DDX46: variants seen among roughly 807,000 people sequenced by gnomAD.
DDX46 encodes probable ATP-dependent RNA helicase DDX46.
Under a neutral mutation model 134.9 loss-of-function variants are expected in DDX46, and 30 were observed. The ratio of observed to expected loss-of-function variants is 0.22; its 90% CI spans 0.17 to 0.30. The LOEUF (loss-of-function observed/expected upper bound fraction) is 0.30. Ranked by LOEUF, DDX46 falls within the 10% of genes least tolerant of loss-of-function variation. The pLI is 1.00. For synonymous variants in DDX46, 415 were observed against 404.1 expected, an observed-to-expected ratio of 1.03 and a Z score of -0.32; for missense variants, 622 against 1,248.7, an observed-to-expected ratio of 0.50 and a Z score of 7.56.
At position 134,764,023 on chromosome 5, in the gene DDX46, A is replaced by G; in HGVS notation, c.137A>G (p.Asp46Gly). The G allele has an allele frequency of 6.2e-7, 1 of 1,614,212 alleles. No homozygotes were observed. The highest frequency in any genetic ancestry group is 8.5e-7 in the Non-Finnish European group (1 of 1,180,032). ...DDRRSRSRDR[D>G]RRRERSRSRD... ...AGACGGTCTAGAAGTAGAGATAGAG[A>G]TAGGAGGAGAGAGAGGTCTCGTAGC... is the stretch of plus-strand genomic sequence containing the variant. Residue 46 changes from aspartate to glycine, a missense_variant, in exon 2 of 23, where the codon GAT becomes GGT. Around this residue, in one of 8 missense-constraint regions of DDX46, gnomAD observed 244 missense variants for 349.3 expected, o/e 0.70. Transcript: ENST00000452510.
chr5:134,818,789 C>G (rs1440033211), intron 20 of DDX46, 71 bp from the exon 21 acceptor site: 3 of 1,417,380 alleles, frequency 2.1e-6, no homozygotes, highest in Non-Finnish European at 1.9e-6. Context: ...CCAGCCTAGT[C>G]TTTGTCAGCA....
chr5:134,812,660 C>T (rs888120712), intron 18 of DDX46, among the ~76,000 whole-genome samples: 4 of 151,916 alleles, frequency 2.6e-5, no homozygotes, highest in African/African-American at 7.3e-5. Flanking sequence ...ATTAGCCGGG[C>T]GTGTCTTGCT....
In DDX46 at chr5:134,758,797, C is replaced by G; in HGVS notation, c.-142C>G. On this transcript the variant is annotated 5_prime_UTR_variant, in exon 1 of 23. Coordinates refer to ENST00000452510, the MANE Select transcript of DDX46 (RefSeq NM_001300860.2). The stretch of plus-strand genomic sequence containing the variant: ...GCACGTCCTGTTTTCGTTGGCCGCG[C>G]TGGGATGGCCGCCACAGCTGTAGGT... 7.4e-7 allele frequency: 1 copy of G among 1,355,170 alleles called. No homozygotes were observed. Among genetic ancestry groups the G allele is most frequent in the South Asian group, 1.2e-5 (1 of 82,474 alleles). The allele number at this position is 1,355,170 out of a possible 1,614,324, so 83.9% of individuals were successfully genotyped here.
In DDX46 at chr5:134,783,078, T is replaced by C; in HGVS notation, c.1166+13T>C. 1 of 1,611,914 alleles carries C rather than the reference T, an allele frequency of 6.2e-7. No individual in the cohort carries two copies. Among genetic ancestry groups the C allele is most frequent in the Non-Finnish European group, 8.5e-7 (1 of 1,178,672 alleles). On this transcript the variant is annotated intron_variant, in intron 9 of 22. Coordinates refer to ENST00000452510, the MANE Select transcript of DDX46 (RefSeq NM_001300860.2). ...ATTCCCTCAAGAAGTAAGTGGTTGG[T>C]GGTTGTTTATGTTTTCCGTGTCTTG...
In DDX46 at chr5:134,810,426, G is replaced by A. The variant is rs1187714242; in HGVS notation, c.2149-795G>A. On this transcript the variant is annotated intron_variant, in intron 16 of 22. Transcript: ENST00000452510. ...CCATCTCACATGCACTGCAACCTCC[G>A]TCTCCCAGGATCAAGTGATTCTCCT... Among the ~76,000 whole-genome samples, 7 of 150,676 alleles carry A rather than the reference G, an allele frequency of 4.6e-5. 1 individual carries two copies. Among genetic ancestry groups the A allele is most frequent in the African/African-American group, 1.7e-4 (7 of 40,898 alleles).
chr5:134,795,487 T>A (rs917782829), intron 14 of DDX46, among the ~76,000 whole-genome samples: 6 of 152,206 alleles, frequency 3.9e-5, no homozygotes, highest in Non-Finnish European at 7.3e-5. Context: ...GAGCCCTGTC[T>A]GTTTAAAGAC....
intron 18 of DDX46, among the ~76,000 whole-genome samples, chr5:134,815,723 A>G (rs1335834583): frequency 6.6e-6 from 1 of 151,064 alleles, no homozygotes; most frequent in African/African-American, 2.4e-5. Flanking sequence ...AAAAAAAAAA[A>G]AAAAAAAAAG....
At chr5:134,786,005 C>T (rs1003631417) in intron 11 of DDX46, among the ~76,000 whole-genome samples, 3 of 151,980 alleles carry the variant, frequency 2.0e-5, no homozygotes, top group Non-Finnish European at 4.4e-5. Context: ...CCTGCCACCA[C>T]GCCTGGCTAA....
At chr5:134,822,607 T>G (rs1175399640) in intron 21 of DDX46, among the ~76,000 whole-genome samples, 1 of 152,022 alleles carries the variant, frequency 6.6e-6, no homozygotes, top group East Asian at 1.9e-4. Context: ...CCAAACCTAC[T>G]CATCTTTTTT....
At chr5:134,767,928 C>T (rs1753628729) in intron 3 of DDX46, among the ~76,000 whole-genome samples, 1 of 144,606 alleles carries the variant, frequency 6.9e-6, no homozygotes, top group African/African-American at 2.6e-5. Flanking sequence ...CCAGCCTGGG[C>T]AACAAGAGTG....
intron 5 of DDX46, 65 bp downstream of exon 5, chr5:134,773,926 A>G (rs972141664): frequency 2.9e-5 from 41 of 1,403,012 alleles, no homozygotes; most frequent in Non-Finnish European, 2.1e-5. Context: ...ATAATATTTC[A>G]TAAGGGGTTT....
chr5:134,796,033 C>T lies in DDX46; in HGVS notation c.1837C>T (p.Leu613=), dbSNP rs1250988265. Residue 613 remains leucine (L), a synonymous_variant, in exon 15 of 23, where the codon CTA becomes TTA. Coordinates refer to ENST00000452510, the MANE Select transcript of DDX46 (RefSeq NM_001300860.2). ...GAAATTCTTGAAGTTACTTGAGCTT[C>T]TAGGCCATTATCAAGAGTCAGGATC... ...EKKFLKLLEL[L]GHYQESGSVI... 19 of 1,613,694 alleles carry T rather than the reference C, an allele frequency of 1.2e-5. No homozygotes were observed. The highest frequency in any genetic ancestry group is 1.5e-5 in the Non-Finnish European group (18 of 1,179,940).
intron 21 of DDX46, among the ~76,000 whole-genome samples, chr5:134,823,998 C>T (rs1164450566): frequency 1.3e-5 from 2 of 152,086 alleles, no homozygotes; most frequent in East Asian, 1.9e-4. Flanking sequence ...GAATTCTTTT[C>T]GTAATTCATT....
Position 134,816,508 on chromosome 5 carries a change from C to T in DDX46, c.2515C>T (p.Pro839Ser). 6.2e-7 allele frequency: 1 copy of T among 1,613,952 alleles called. No individual in the cohort carries two copies. Among genetic ancestry groups the T allele is most frequent in the South Asian group, 1.1e-5 (1 of 91,048 alleles). ...DMAAPGTSSV[P>S]APTAGNAEKL... ...GGCTGCTCCTGGAACATCAAGTGTTCCTGCTCCAACTGCAGGAAATGCTGA... is the reference window on the plus strand; with the variant it reads ...GGCTGCTCCTGGAACATCAAGTGTTTCTGCTCCAACTGCAGGAAATGCTGA... Residue 839 changes from proline to serine, a missense_variant, in exon 19 of 23, where the codon CCT (proline) becomes TCT (serine). Transcript: ENST00000452510.
chr5:134,819,442 C>T lies in DDX46; in HGVS notation c.2977+438C>T, dbSNP rs149185933. Among the ~76,000 whole-genome samples the T allele has an allele frequency of 1.2e-3, 190 of 152,262 alleles. 1 individual carries two copies. The highest frequency in any genetic ancestry group is 3.5e-3 in the African/African-American group (145 of 41,560). ...AGAAGTAGACAATGCCACAACCTAA[C>T]GGATATAAATAATACATTATGTAAC... On this transcript the variant is annotated intron_variant, in intron 21 of 22. Transcript: ENST00000452510.
At chr5:134,815,373 T>C (rs1410457955) in intron 18 of DDX46, among the ~76,000 whole-genome samples, 1 of 152,122 alleles carries the variant, frequency 6.6e-6, no homozygotes, top group African/African-American at 2.4e-5. Flanking sequence ...TAATCAGTGA[T>C]ATCAGTAGTC....
intron 15 of DDX46, chr5:134,805,171 G>C (rs1470482877): frequency 5.9e-6 from 1 of 169,580 alleles, no homozygotes; most frequent in Non-Finnish European, 1.3e-5. Flanking sequence ...AAGAAGAACT[G>C]TATTTTTTTT....
chr5:134,803,918 CTTTT>C lies in DDX46; in HGVS notation c.1955-3809_1955-3806del, dbSNP rs201944776. ...AGAATGACAAGTGATGATGATTCTTCTTTTTTTTTTTTTTTTTTTTTTTTGAGAC... is the reference window on the plus strand; with the variant it reads ...AGAATGACAAGTGATGATGATTCTTCTTTTTTTTTTTTTTTTTTTTGAGAC... On this transcript the variant is annotated intron_variant, in intron 15 of 22. Coordinates refer to ENST00000452510, the MANE Select transcript of DDX46 (RefSeq NM_001300860.2). 6.0e-3 allele frequency among the ~76,000 whole-genome samples: 568 copies of C among 94,868 alleles called. 2 individuals carry two copies. The highest frequency in any genetic ancestry group is 0.043 in the Middle Eastern group (6 of 138). The allele number at this position is 94,868 out of a possible 152,430, so 62.2% of individuals were successfully genotyped here.
chr5:134,780,176 ATG>A (rs1330205898), intron 6 of DDX46, among the ~76,000 whole-genome samples: 1 of 150,310 alleles, frequency 6.7e-6, no homozygotes, highest in South Asian at 2.1e-4. Flanking sequence ...GTATATGTAT[ATG>A]TGTGTATGTA....
Sources: allele counts gnomAD v4.1 joint callset (sites outside exome capture counted in the v4.1 genomes callset), GRCh38; gene constraint gnomAD v4.1.1; regional missense constraint gnomAD v4.1.1; transcripts MANE v1.5; gene names NCBI Gene and HGNC (gene_info 2026-07-23, HGNC 2026-07-21).